Variants in ZNF554 observed in about 807,000 individuals in gnomAD.
The protein encoded by ZNF554 is zinc finger protein 554.
ZNF554 carries 15 observed loss-of-function variants against 21.2 expected under a neutral mutation model. The observed-to-expected ratio is 0.71, with a 90% CI of 0.47 to 1.09. The LOEUF (loss-of-function observed/expected upper bound fraction) is 1.09, where lower values mean the gene tolerates loss of function less well. Ranked by LOEUF, ZNF554 falls within the 50% of genes least tolerant of loss-of-function variation. ZNF554 has a pLI of 0.00. For synonymous variants in ZNF554, 258 were observed against 251.4 expected, an observed-to-expected ratio of 1.03 and a Z score of -0.25; for missense variants, 691 against 662.7, an observed-to-expected ratio of 1.04 and a Z score of -0.47.
At chr19:2,820,522 C>T (rs1483179778) in intron 1 of ZNF554, among the ~76,000 whole-genome samples, 1 of 151,994 alleles carries the variant, frequency 6.6e-6, no homozygotes, top group Non-Finnish European at 1.5e-5. Context: ...GTTGTCATAA[C>T]TGGGGGCAGT....
Position 2,834,581 on chromosome 19 carries a change from C to G in ZNF554, c.1346C>G (p.Ser449Cys). 4 of 1,614,036 alleles carry G rather than the reference C, an allele frequency of 2.5e-6. No individual in the cohort carries two copies. The highest frequency in any genetic ancestry group is 3.4e-6 in the Non-Finnish European group (4 of 1,180,000). Residue 449 changes from serine (S) to cysteine (C), a missense_variant, in exon 5 of 5, where the codon TCC (serine) becomes TGC (cysteine). Physicochemically the swap from Ser to Cys is moderately radical, Grantham distance 112. Coordinates refer to ENST00000317243, the MANE Select transcript of ZNF554 (RefSeq NM_001102651.2). Reference sequence around the variant, plus strand: ...TGTGGAAAGGCCTTCAGTGACCGTTCCTCTCTCAACCAGCACGAGCGAACT... The same window carrying G: ...TGTGGAAAGGCCTTCAGTGACCGTTGCTCTCTCAACCAGCACGAGCGAACT... ...SECGKAFSDR[S>C]SLNQHERTHT...
chr19:2,820,071 G>T lies in ZNF554; in HGVS notation c.-1G>T, dbSNP rs538697464. On this transcript the variant is annotated 5_prime_UTR_variant, in exon 1 of 5. Coordinates refer to ENST00000317243, the MANE Select transcript of ZNF554 (RefSeq NM_001102651.2). The stretch of plus-strand genomic sequence containing the variant: ...TGTCTGGCGCCTCAGCGCGCGCCCC[G>T]ATGGTCACCTGCGCCCACCTGGGCC... 1 of 1,211,396 alleles carries T rather than the reference G, an allele frequency of 8.3e-7. No homozygotes were observed. The highest frequency in any genetic ancestry group is 1.6e-5 in the African/African-American group (1 of 63,522). 75.0% of individuals were successfully genotyped at this position (1,211,396 alleles called of 1,614,324 possible).
rs761358186 is a variant in ZNF554, at chr19:2,827,590, T to C, written c.127-27T>C. ...GAACGTGGGTGGCGATGGACCCATC[T>C]TGAGCAGAACTGCTGTGATATTCTA... On this transcript the variant is annotated intron_variant, in intron 2 of 4. Coordinates refer to ENST00000317243, the MANE Select transcript of ZNF554 (RefSeq NM_001102651.2). 13 of 1,604,160 alleles carry C rather than the reference T, an allele frequency of 8.1e-6. No homozygotes were observed. The South Asian group carries it at 1.2e-4, about 15-fold the overall frequency.
rs1405334765 is a variant in ZNF554, at chr19:2,835,119, C to G, written c.*267C>G. 1 of 394,962 alleles carries G rather than the reference C, an allele frequency of 2.5e-6. No individual in the cohort carries two copies. Among genetic ancestry groups the G allele is most frequent in the East Asian group, 4.6e-5 (1 of 21,650 alleles). 24.5% of individuals were successfully genotyped at this position (394,962 alleles called of 1,614,324 possible). A position where few individuals can be genotyped will look rare whatever the true frequency, so the allele number is the denominator to read the frequency against. On this transcript the variant is annotated 3_prime_UTR_variant, in exon 5 of 5. Transcript: ENST00000317243. ...GCTCAAGTAATCCTCCCACCCCAGC[C>G]TCCCAGGTAGCTAGTACTATAGGTG... is the stretch of plus-strand genomic sequence containing the variant.
At chr19:2,828,011 CTT>C (rs1246919598) in intron 3 of ZNF554, among the ~76,000 whole-genome samples, 2 of 152,270 alleles carry the variant, frequency 1.3e-5, no homozygotes, top group African/African-American at 4.8e-5. Flanking sequence ...TCTCGTGAGA[CTT>C]ATTCATTACC....
intron 3 of ZNF554, 59 bp downstream of exon 3, chr19:2,827,802 T>G (rs1568333784): frequency 6.3e-7 from 1 of 1,593,814 alleles, no homozygotes; most frequent in Non-Finnish European, 8.6e-7. Context: ...GGTGTATTAG[T>G]CTGTTCTCAC....
At position 2,821,729 on chromosome 19, in the gene ZNF554, C is replaced by A. The variant is rs576132; in HGVS notation, c.54-1311C>A. Among the ~76,000 whole-genome samples, 47,082 of 151,616 alleles carry A rather than the reference C, an allele frequency of 0.31. 8,645 individuals carry two copies. The highest frequency in any genetic ancestry group is 0.4 in the Admixed American group (6,048 of 15,234). On this transcript the variant is annotated intron_variant, in intron 1 of 4. Coordinates refer to ENST00000317243, the MANE Select transcript of ZNF554 (RefSeq NM_001102651.2). The surrounding 1 kb of genome is among the most constrained non-coding windows in gnomAD (Gnocchi z 8.2). Reference sequence around the variant, plus strand: ...GTCACCTGGCTGGAGTGCAGTGGCACGATCTCGGCTCACTGCAATCTCTAC... The same window carrying A: ...GTCACCTGGCTGGAGTGCAGTGGCAAGATCTCGGCTCACTGCAATCTCTAC...
rs1024576130 is a variant in ZNF554 at position 2,821,368 on chromosome 19, C to T, written c.53+1244C>T. ...GGCCTCCCAAAGTGACCACTGCGCCCGGCGCCTTTGGTTCTTACATGAGCC... is the reference window on the plus strand; with the variant it reads ...GGCCTCCCAAAGTGACCACTGCGCCTGGCGCCTTTGGTTCTTACATGAGCC... On this transcript the variant is annotated intron_variant, in intron 1 of 4. Transcript: ENST00000317243. The surrounding 1 kb of genome is among the most constrained non-coding windows in gnomAD (Gnocchi z 8.2). Among the ~76,000 whole-genome samples, 2 of 151,966 alleles carry T rather than the reference C, an allele frequency of 1.3e-5. No homozygotes were observed. The highest frequency in any genetic ancestry group is 2.4e-5 in the African/African-American group (1 of 41,226).
Position 2,820,003 on chromosome 19 carries a change from G to A in ZNF554, c.-69G>A. Reference sequence around the variant, plus strand: ...GGAGGCGTCCCAGGGACACGCAGGGGAGGCCGGCCGGCCTGCACGGGGCGC... The same window carrying A: ...GGAGGCGTCCCAGGGACACGCAGGGAAGGCCGGCCGGCCTGCACGGGGCGC... On this transcript the variant is annotated 5_prime_UTR_variant, in exon 1 of 5. Transcript: ENST00000317243. 2 of 1,140,566 alleles carry A rather than the reference G, an allele frequency of 1.8e-6. No homozygotes were observed. Among genetic ancestry groups the A allele is most frequent in the Non-Finnish European group, 1.1e-6 (1 of 915,770 alleles). The allele number at this position is 1,140,566 out of a possible 1,614,324, so 70.7% of individuals were successfully genotyped here.
rs772064494 is a variant in ZNF554 at position 2,832,422 on chromosome 19, G to C, written c.373G>C (p.Ala125Pro). 13 of 1,614,002 alleles carry C rather than the reference G, an allele frequency of 8.1e-6. 1 individual carries two copies. In the East Asian group the frequency reaches 1.1e-4, roughly 14 times the overall value. ...GGGGTATTTACTTTTTCAACCAGTG[G>C]CTTCTTCCCACTTGGAGCAAAGAGA... ...WTGYLLFQPV[A>P]SSHLEQREAL... The change falls in exon 4 of 5, where the codon GCT becomes CCT. Residue 125 changes from alanine to proline, a missense_variant. Physicochemically the swap from Ala to Pro is conservative, Grantham distance 27. Coordinates refer to ENST00000317243, the MANE Select transcript of ZNF554 (RefSeq NM_001102651.2).
At chr19:2,822,962 G>A in intron 1 of ZNF554, 78 bp from the exon 2 acceptor site, 1 of 1,490,132 alleles carries the variant, frequency 6.7e-7, no homozygotes, top group Non-Finnish European at 9.2e-7. Context: ...AGCAAATGGA[G>A]GTTCTCCAGG....
At position 2,836,566 on chromosome 19, in the gene ZNF554, T is replaced by C. The variant is rs1169030361; in HGVS notation, c.*1714T>C. The stretch of plus-strand genomic sequence containing the variant: ...GATCCATTCACAAAAGGACAAAGGC[T>C]GGACAGAGACGTGAAGAAATGAATC... On this transcript the variant is annotated 3_prime_UTR_variant, in exon 5 of 5. Coordinates refer to ENST00000317243, the MANE Select transcript of ZNF554 (RefSeq NM_001102651.2). Among the ~76,000 whole-genome samples, 2 of 152,256 alleles carry C rather than the reference T, an allele frequency of 1.3e-5. No individual in the cohort carries two copies. The highest frequency in any genetic ancestry group is 4.8e-5 in the African/African-American group (2 of 41,458).
intron 1 of ZNF554, among the ~76,000 whole-genome samples, chr19:2,822,693 A>G (rs946939288): frequency 6.6e-6 from 1 of 152,128 alleles, no homozygotes; most frequent in Non-Finnish European, 1.5e-5. Flanking sequence ...CTGGGACAAC[A>G]TAGCAAGGCC....
chr19:2,832,890 G>T (rs1367906614), intron 4 of ZNF554, among the ~76,000 whole-genome samples: 1 of 152,120 alleles, frequency 6.6e-6, no homozygotes, highest in Non-Finnish European at 1.5e-5. Context: ...TTTTCTCAGA[G>T]ATGGAGTCTC....
At chr19:2,832,754 C>A (rs1051758689) in intron 4 of ZNF554, among the ~76,000 whole-genome samples, 1 of 152,178 alleles carries the variant, frequency 6.6e-6, no homozygotes, top group Non-Finnish European at 1.5e-5. Context: ...GTGGCCCAGG[C>A]TGGAGTGCAG....
At chr19:2,826,807 G>A (rs1323446021) in intron 2 of ZNF554, among the ~76,000 whole-genome samples, 7 of 151,856 alleles carry the variant, frequency 4.6e-5, no homozygotes, top group African/African-American at 9.7e-5. Context: ...GACTACAGGC[G>A]CCCGCCATCA....
rs776010652 is a variant in ZNF554 at position 2,832,276 on chromosome 19, T to G, written c.254-27T>G. On this transcript the variant is annotated intron_variant, in intron 3 of 4. Coordinates refer to ENST00000317243, the MANE Select transcript of ZNF554 (RefSeq NM_001102651.2). ...AATAAAATCATTATCTTGTGCTACC[T>G]CTCAAGTATACTCTTGTCTTTTTCA... 5.3e-5 allele frequency: 82 copies of G among 1,539,718 alleles called. 1 individual carries two copies. The highest frequency in any genetic ancestry group is 1.7e-6 in the Non-Finnish European group (2 of 1,147,196).
intron 2 of ZNF554, among the ~76,000 whole-genome samples, chr19:2,824,038 C>T (rs1464292664): frequency 6.6e-6 from 1 of 152,132 alleles, no homozygotes; most frequent in Non-Finnish European, 1.5e-5. Flanking sequence ...GGACTTGGCC[C>T]AAACCCCACT....
intron 2 of ZNF554, among the ~76,000 whole-genome samples, chr19:2,824,687 C>CGTCTT (rs1376800071): frequency 6.0e-4 from 91 of 152,280 alleles, no homozygotes; most frequent in African/African-American, 2.1e-3. Context: ...TGAACTTTAC[C>CGTCTT]ATCTTAGCCG....
Sources: allele counts gnomAD v4.1 joint callset (sites outside exome capture counted in the v4.1 genomes callset), GRCh38; gene constraint gnomAD v4.1.1; non-coding constraint Gnocchi (gnomAD v3.1); transcripts MANE v1.5; gene names NCBI Gene and HGNC (gene_info 2026-07-23, HGNC 2026-07-21).